Variants in GLI3 observed in about 807,000 individuals in gnomAD.
The protein encoded by GLI3 is GLI family zinc finger 3, also known as transcription activator GLI3.
GLI3 carries 20 observed loss-of-function variants against 100.8 expected under a neutral mutation model. The ratio of observed to expected loss-of-function variants is 0.20; its 90% CI spans 0.14 to 0.29. The LOEUF (loss-of-function observed/expected upper bound fraction) is 0.29, where lower values mean the gene tolerates loss of function less well. Ranked by LOEUF, GLI3 falls within the 10% of genes least tolerant of loss-of-function variation. The probability of loss-of-function intolerance (pLI) is 1.00; values close to 1 mark genes in which losing one functional copy is unlikely to be tolerated. For synonymous variants in GLI3, 938 were observed against 860.5 expected (o/e 1.09, Z -1.58); for missense variants, 2,040 against 2,128.5 (o/e 0.96, Z 0.82).
At chr7:42,117,691 G>C (rs1327473033) in intron 3 of GLI3, among the ~76,000 whole-genome samples, 2 of 152,202 alleles carry the variant, frequency 1.3e-5, no homozygotes, top group East Asian at 3.9e-4. Context: ...GATGTTTCAG[G>C]CAGGAGCTGC....
chr7:42,104,828 G>A (rs1251698573), intron 3 of GLI3, among the ~76,000 whole-genome samples: 2 of 152,130 alleles, frequency 1.3e-5, no homozygotes, highest in Non-Finnish European at 2.9e-5. Flanking sequence ...ACCACGTGAG[G>A]ACACAGTGAG....
At chr7:42,009,957 T>G (rs1329375949) in intron 10 of GLI3, among the ~76,000 whole-genome samples, 1 of 152,214 alleles carries the variant, frequency 6.6e-6, no homozygotes, top group Non-Finnish European at 1.5e-5. Flanking sequence ...CACTAGTTCT[T>G]TCTTATTTCC....
chr7:42,116,487 GAAA>G (rs1166291083), intron 3 of GLI3, among the ~76,000 whole-genome samples: 3 of 92,214 alleles, frequency 3.3e-5, no homozygotes, highest in Admixed American at 1.2e-4. Context: ...TCTGCAAAAA[GAAA>G]AAAAAAAAAA....
At chr7:42,141,040 T>C (rs7810494) in intron 3 of GLI3, among the ~76,000 whole-genome samples, 130 of 152,260 alleles carry the variant, frequency 8.5e-4, no homozygotes, top group African/African-American at 3.0e-3. Context: ...AATAATTACA[T>C]GGAATCTTTA....
At chr7:42,087,779 C>A (rs1018639370) in intron 3 of GLI3, among the ~76,000 whole-genome samples, 1 of 151,038 alleles carries the variant, frequency 6.6e-6, no homozygotes, top group South Asian at 2.1e-4. Context: ...ATTATTGTTA[C>A]GCTTTGGAAT....
chr7:42,058,897 T>C (rs1033546240), intron 4 of GLI3, among the ~76,000 whole-genome samples: 3 of 152,214 alleles, frequency 2.0e-5, no homozygotes, highest in Non-Finnish European at 4.4e-5. Context: ...AATTAAAATT[T>C]CAAGGTCAAA....
At chr7:42,240,743 A>C (rs1004750706), upstream of GLI3, among the ~76,000 whole-genome samples, 1 of 152,194 alleles carries the variant, frequency 6.6e-6, no homozygotes, top group Non-Finnish European at 1.5e-5. Context: ...TGAGGTTCCT[A>C]GGGTTAGAAC....
chr7:42,009,870 T>C (rs189186260), intron 10 of GLI3, among the ~76,000 whole-genome samples: 3 of 152,316 alleles, frequency 2.0e-5, no homozygotes, highest in African/African-American at 4.8e-5. Context: ...CGTTCCTGGA[T>C]CCCACAGCAT....
At chr7:42,091,939 A>G (rs1010837297) in intron 3 of GLI3, among the ~76,000 whole-genome samples, 1 of 152,372 alleles carries the variant, frequency 6.6e-6, no homozygotes, top group Admixed American at 6.5e-5. Context: ...ACTTCATTAG[A>G]AAGGCAAACA....
chr7:42,186,377 G>A (rs1029597541), intron 2 of GLI3, among the ~76,000 whole-genome samples: 1 of 152,158 alleles, frequency 6.6e-6, no homozygotes, highest in Non-Finnish European at 1.5e-5. Context: ...CACCGTGCCT[G>A]GCGTATAGCA....
chr7:42,042,513 C>T (rs1784166928), intron 6 of GLI3, among the ~76,000 whole-genome samples: 1 of 152,146 alleles, frequency 6.6e-6, no homozygotes. Context: ...AATAATTGCC[C>T]TTCTCAATGG....
upstream of GLI3, chr7:42,237,909 G>C (rs1000140652): frequency 1.4e-5 from 2 of 147,770 alleles, no homozygotes; most frequent in African/African-American, 4.9e-5. Context: ...GGCGCGTCGC[G>C]GGCCGGGGTC....
At chr7:42,182,644 G>GTGTATATATATATATA (rs1213633941) in intron 2 of GLI3, among the ~76,000 whole-genome samples, 1 of 51,694 alleles carries the variant, frequency 1.9e-5, no homozygotes, top group Non-Finnish European at 3.2e-5. Flanking sequence ...ATATGTGTGT[G>GTGTATATATATATATA]TATATATATA....
At chr7:42,026,601 A>G (rs958764180) in intron 7 of GLI3, among the ~76,000 whole-genome samples, 189 bp from the exon 8 acceptor site, 3 of 152,264 alleles carry the variant, frequency 2.0e-5, no homozygotes, top group African/African-American at 7.2e-5. Context: ...TGAGACACAC[A>G]TGTGTGTGCA....
chr7:42,150,228 T>C (rs747533949), intron 2 of GLI3: 5 of 152,220 alleles, frequency 3.3e-5, no homozygotes, highest in African/African-American at 7.2e-5. Context: ...TAATCTCACA[T>C]GTTCACATTG....
Position 41,980,341 on chromosome 7 carries a change from C to T in GLI3, c.1498-1593G>A, listed in dbSNP as rs575034662. On this transcript the variant is annotated intron_variant, in intron 10 of 14. Coordinates refer to ENST00000395925, the MANE Select transcript of GLI3 (RefSeq NM_000168.6). ...AACAGATGTTCTGGACAGGGGTCAA[C>T]GTTCAATCCGCACGTCTGCTTCTAG... Among the ~76,000 whole-genome samples the T allele has an allele frequency of 1.1e-4, 16 of 152,316 alleles. No individual in the cohort carries two copies. The East Asian group carries it at 2.7e-3, about 26-fold the overall frequency.
intron 2 of GLI3, among the ~76,000 whole-genome samples, chr7:42,188,388 T>C (rs1391256593): frequency 6.6e-6 from 1 of 152,220 alleles, no homozygotes; most frequent in Non-Finnish European, 1.5e-5. Flanking sequence ...GAGTTAGCTC[T>C]TCTGAATATG....
chr7:42,213,183 T>G (rs528550507), intron 2 of GLI3, among the ~76,000 whole-genome samples: 8 of 152,330 alleles, frequency 5.3e-5, no homozygotes, highest in African/African-American at 1.9e-4. Context: ...ACTTCTGAAT[T>G]TTACATAATG....
At chr7:41,997,154 A>C (rs1788149283) in intron 10 of GLI3, among the ~76,000 whole-genome samples, 1 of 152,194 alleles carries the variant, frequency 6.6e-6, no homozygotes, top group African/African-American at 2.4e-5. Context: ...TTTTTCCCCC[A>C]GATGTTTCCA....
Sources: allele counts gnomAD v4.1 joint callset (sites outside exome capture counted in the v4.1 genomes callset), GRCh38; gene constraint gnomAD v4.1.1; transcripts MANE v1.5; gene names NCBI Gene and HGNC (gene_info 2026-07-23, HGNC 2026-07-21).